Variants in RRBP1 observed in about 807,000 individuals in gnomAD.
RRBP1 encodes the protein ribosome binding protein 1, also known as ribosome-binding protein 1.
RRBP1 carries 94 observed loss-of-function variants against 165.2 expected under a neutral mutation model. The ratio of observed to expected loss-of-function variants is 0.57; its 90% CI spans 0.48 to 0.68. RRBP1 has a LOEUF of 0.68. RRBP1 is among the 30% of genes least tolerant of loss of function. The pLI is 0.00. For missense variants in RRBP1, 1,676 were observed against 1,763.0 expected (o/e 0.95, Z 0.88); for synonymous variants, 680 against 714.5 (o/e 0.95, Z 0.77).
chr20:17,635,402 C>T (rs866571276), intron 7 of RRBP1, 144 bp downstream of exon 7: 27 of 630,080 alleles, frequency 4.3e-5, no homozygotes, highest in South Asian at 1.9e-4. Flanking sequence ...AGAACCCAGA[C>T]GGGAGATGGA....
chr20:17,651,635 A>G (rs1253922701), intron 3 of RRBP1, among the ~76,000 whole-genome samples: 3 of 152,202 alleles, frequency 2.0e-5, no homozygotes, highest in Admixed American at 1.3e-4. Flanking sequence ...GAAGAGCACA[A>G]TGAATTTACC....
chr20:17,669,462 G>A (rs541140536), intron 2 of RRBP1, among the ~76,000 whole-genome samples: 7 of 152,304 alleles, frequency 4.6e-5, no homozygotes, highest in African/African-American at 1.4e-4. Context: ...TCTTACTGCC[G>A]TAAACATTTG....
intron 5 of RRBP1, among the ~76,000 whole-genome samples, chr20:17,640,293 G>A (rs962490555): frequency 6.6e-6 from 1 of 152,230 alleles, no homozygotes; most frequent in South Asian, 2.1e-4. Flanking sequence ...GTCTTCCAGA[G>A]TAAGAAGACA....
At chr20:17,636,463 G>A in intron 6 of RRBP1, 114 bp downstream of exon 6, 1 of 1,273,576 alleles carries the variant, frequency 7.9e-7, no homozygotes, top group Non-Finnish European at 1.1e-6. Flanking sequence ...GACCCCTGTG[G>A]GCATCCTCAA....
rs183312657 is a variant in RRBP1 at position 17,638,273 on chromosome 20, A to G, written c.2185-1544T>C. Among the ~76,000 whole-genome samples the G allele has an allele frequency of 2.2e-3, 338 of 152,322 alleles. 2 individuals are homozygous for G. The highest frequency in any genetic ancestry group is 2.8e-3 in the Non-Finnish European group (188 of 68,016). The stretch of plus-strand genomic sequence containing the variant: ...GCTCTCTTTGCTGAGTTTCCGACAC[A>G]ACGGCCCTTCCAAGTAGATGGTCCA... On this transcript the variant is annotated intron_variant, in intron 5 of 24. Coordinates refer to ENST00000377813, the MANE Select transcript of RRBP1 (RefSeq NM_001365613.2).
At position 17,614,754 on chromosome 20, in the gene RRBP1, C is replaced by A; in HGVS notation, c.4177G>T (p.Glu1393Ter). The change falls in exon 24 of 25, where the codon GAA (glutamate) becomes TAA (stop). Residue 1393 changes from glutamate to a stop codon, truncating the protein, a stop_gained. Coordinates refer to ENST00000377813, the MANE Select transcript of RRBP1 (RefSeq NM_001365613.2). LOFTEE classifies it high-confidence loss of function. ...REKDTVKKLQEQLEKAEDGSS... is the reference protein window; with the variant it reads ...REKDTVKKLQ ...GCACGCACTGCCTTTTCCAGCTGTT[C>A]CTGCAGCTTCTTCACCGTGTCCTTC... 1.2e-6 allele frequency: 2 copies of A among 1,612,922 alleles called. No individual in the cohort carries two copies. The highest frequency in any genetic ancestry group is 1.7e-6 in the Non-Finnish European group (2 of 1,180,018).
chr20:17,616,903 T>C (rs2035812642), intron 20 of RRBP1, 64 bp from the exon 21 acceptor site: 1 of 1,268,820 alleles, frequency 7.9e-7, no homozygotes, highest in African/African-American at 1.5e-5. Context: ...TGCTCACTCC[T>C]GCAGGGACCC....
chr20:17,642,955 T>C (rs775155207), intron 4 of RRBP1, 24 bp downstream of exon 4: 6 of 1,610,262 alleles, frequency 3.7e-6, no homozygotes, highest in South Asian at 2.2e-5. Context: ...CCTCTGAGCA[T>C]GGCCAGCAGG....
chr20:17,649,893 T>G (rs1246487547), intron 3 of RRBP1, among the ~76,000 whole-genome samples: 3 of 152,150 alleles, frequency 2.0e-5, no homozygotes, highest in African/African-American at 7.2e-5. Context: ...TGCCTTTAAC[T>G]TCCCACCTTA....
intron 16 of RRBP1, 127 bp from the exon 17 acceptor site, chr20:17,620,934 C>G: frequency 1.4e-6 from 1 of 690,782 alleles, no homozygotes; most frequent in Non-Finnish European, 2.4e-6. Context: ...TGAGCGCCAG[C>G]GTTAGGTGGG....
intron 5 of RRBP1, among the ~76,000 whole-genome samples, chr20:17,638,091 C>T (rs1295087879): frequency 6.6e-6 from 1 of 152,098 alleles, no homozygotes; most frequent in African/African-American, 2.4e-5. Flanking sequence ...TCTGTGTGGG[C>T]TGGGAAGCCC....
rs778656059 is a variant in RRBP1, at chr20:17,660,559, T to C, written c.-21-31A>G. ...AAACATACATGGAGGTTACTATTTATAGAAATCAAGGCCTTCAACAGTTTC... is the reference window on the plus strand; with the variant it reads ...AAACATACATGGAGGTTACTATTTACAGAAATCAAGGCCTTCAACAGTTTC... On this transcript the variant is annotated intron_variant, in intron 2 of 24. Transcript: ENST00000377813. 228 of 1,390,096 alleles carry C rather than the reference T, an allele frequency of 1.6e-4. 1 individual carries two copies. The East Asian group carries it at 4.7e-3, about 29-fold the overall frequency. The allele number at this position is 1,390,096 out of a possible 1,614,324, so 86.1% of individuals were successfully genotyped here.
At chr20:17,661,445 C>A (rs963469738) in intron 2 of RRBP1, among the ~76,000 whole-genome samples, 1 of 152,160 alleles carries the variant, frequency 6.6e-6, no homozygotes, top group Non-Finnish European at 1.5e-5. Context: ...CTCTGTCAGA[C>A]AACACTCCCC....
chr20:17,674,200 G>T (rs574440687), intron 2 of RRBP1, among the ~76,000 whole-genome samples: 2 of 152,240 alleles, frequency 1.3e-5, no homozygotes, highest in South Asian at 4.1e-4. Flanking sequence ...GTTAGAAAGG[G>T]CTAGAAATCT....
chr20:17,616,837 G>C lies in RRBP1; in HGVS notation c.3762C>G (p.Val1254=), dbSNP rs41290441. The change falls in exon 21 of 25, where the codon GTC becomes GTG. Residue 1254 remains valine (V), a splice_region_variant and synonymous_variant. Coordinates refer to ENST00000377813, the MANE Select transcript of RRBP1 (RefSeq NM_001365613.2). Reference sequence around the variant, plus strand: ...TCTTCATTTCACTCAACTGCTGCCTGACCTGGAACAGGAAGGGGTGTGTTT... The same window carrying C: ...TCTTCATTTCACTCAACTGCTGCCTCACCTGGAACAGGAAGGGGTGTGTTT... ...AQKQSDELAL[V]RQQLSEMKSH... The C allele has an allele frequency of 1.2e-6, 2 of 1,611,622 alleles. No homozygotes were observed. The highest frequency in any genetic ancestry group is 2.2e-5 in the South Asian group (2 of 90,942).
At chr20:17,622,583 G>A (rs8118891) in intron 13 of RRBP1, among the ~76,000 whole-genome samples, 3,358 of 152,134 alleles carry the variant, frequency 0.022, 48 homozygotes, top group Middle Eastern at 0.041. Flanking sequence ...TGCACCCTGT[G>A]CCATGCTGGG....
rs1271947770 is a variant in RRBP1 at position 17,660,123 on chromosome 20, G to A, written c.385C>T (p.Gln129Ter). The change falls in exon 3 of 25, where the codon CAG (glutamine) becomes TAG (stop). Residue 129 changes from glutamine to a stop codon, truncating the protein, a stop_gained. Transcript: ENST00000377813. LOFTEE classifies it high-confidence loss of function. The stretch of plus-strand genomic sequence containing the variant: ...TTGGGGGAGGAGGCCAGCTTCTCCT[G>A]GGGCATGGCTGGAACTGTGGCGACA... ...APVATVPAMPQEKLASSPKDK... is the reference protein window; with the variant it reads ...APVATVPAMP The A allele has an allele frequency of 6.2e-7, 1 of 1,614,138 alleles. No individual in the cohort carries two copies. The highest frequency in any genetic ancestry group is 1.7e-5 in the Admixed American group (1 of 60,016).
chr20:17,659,355 C>G lies in RRBP1; in HGVS notation c.1153G>C (p.Ala385Pro). The G allele has an allele frequency of 6.5e-7, 1 of 1,535,700 alleles. No homozygotes were observed. The highest frequency in any genetic ancestry group is 8.8e-7 in the Non-Finnish European group (1 of 1,142,062). Residue 385 changes from alanine to proline, a missense_variant, in exon 3 of 25, where the codon GCT (alanine) becomes CCT (proline). This residue lies in a region of RRBP1 where 78 missense variants were observed against 115.6 expected (regional missense o/e 0.67). Coordinates refer to ENST00000377813, the MANE Select transcript of RRBP1 (RefSeq NM_001365613.2). ...TCTACTTTTTTGCCCTGGTTCTGAG[C>G]CCCCTCGGCCTTTTTGCCCTGGTTC... is the stretch of plus-strand genomic sequence containing the variant. ...AQNQGKKAEGAQNQGKKVEGA... is the reference protein window; with the variant it reads ...AQNQGKKAEGPQNQGKKVEGA...
chr20:17,663,176 A>C (rs2036800298), intron 2 of RRBP1, among the ~76,000 whole-genome samples: 1 of 152,224 alleles, frequency 6.6e-6, no homozygotes, highest in African/African-American at 2.4e-5. Flanking sequence ...CACTGGTTGC[A>C]GACCGTGACA....
Sources: gnomAD v4.1 joint callset for allele counts (sites outside exome capture counted in the v4.1 genomes callset) on GRCh38, gnomAD v4.1.1 for gene constraint, gnomAD v4.1.1 regional missense constraint, MANE v1.5 for transcripts, NCBI Gene and HGNC (gene_info 2026-07-23, HGNC 2026-07-21) for gene names.